Variants in TRPM1 observed in about 807,000 individuals in gnomAD.
TRPM1 encodes the protein transient receptor potential cation channel subfamily M member 1, also known as TRPM1-203 APA Isoform, Intron 10.
Under a neutral mutation model 149.4 loss-of-function variants are expected in TRPM1, and 113 were observed. That is an observed-to-expected ratio of 0.76 (90% CI 0.65 to 0.88). The LOEUF is 0.88. Ranked by LOEUF, TRPM1 falls within the 40% of genes least tolerant of loss-of-function variation. The pLI is 0.00. For missense variants in TRPM1, 1,976 were observed against 2,038.7 expected, an observed-to-expected ratio of 0.97 and a Z score of 0.59; for synonymous variants, 741 against 759.5, an observed-to-expected ratio of 0.98 and a Z score of 0.40.
chr15:31,157,225 T>G (rs907065469), intron 1 of TRPM1, among the ~76,000 whole-genome samples: 3 of 152,230 alleles, frequency 2.0e-5, no homozygotes, highest in African/African-American at 4.8e-5. Context: ...TGGCTTATTT[T>G]TTAATCCAGC....
chr15:31,022,648 T>C (rs1355215757), intron 27 of TRPM1, among the ~76,000 whole-genome samples: 2 of 152,248 alleles, frequency 1.3e-5, no homozygotes, highest in African/African-American at 4.8e-5. Flanking sequence ...AACCAGTGTC[T>C]TGAACCTGGA....
intron 9 of TRPM1, 53 bp downstream of exon 9, chr15:31,062,526 G>A (rs2034260184): frequency 6.2e-7 from 1 of 1,610,326 alleles, no homozygotes; most frequent in Non-Finnish European, 8.5e-7. Flanking sequence ...ATTAGAAAAG[G>A]AAACATAATT....
intron 21 of TRPM1, among the ~76,000 whole-genome samples, chr15:31,035,309 T>A (rs2033308887): frequency 1.3e-5 from 2 of 152,012 alleles, no homozygotes; most frequent in African/African-American, 2.4e-5. Flanking sequence ...ACTGGCTAAT[T>A]TTTTTTATTT....
chr15:31,113,324 T>G (rs943265554), intron 1 of TRPM1, among the ~76,000 whole-genome samples: 1 of 152,214 alleles, frequency 6.6e-6, no homozygotes, highest in East Asian at 1.9e-4. Context: ...TCTGAGCCCC[T>G]GACTGGGAAA....
intron 1 of TRPM1, among the ~76,000 whole-genome samples, chr15:31,090,377 G>A (rs1009530522): frequency 6.6e-6 from 1 of 152,150 alleles, no homozygotes. Context: ...GGTGGCTCAT[G>A]CCTGTACTCC....
intron 13 of TRPM1, among the ~76,000 whole-genome samples, chr15:31,049,172 T>A (rs1596017115): frequency 6.6e-6 from 1 of 151,450 alleles, no homozygotes; most frequent in Non-Finnish European, 1.5e-5. Flanking sequence ...GAGAAAGGAG[T>A]GACTGGCGAG....
chr15:31,035,930 C>G, intron 20 of TRPM1: 1 of 546,422 alleles, frequency 1.8e-6, no homozygotes, highest in South Asian at 2.0e-5. Flanking sequence ...TTGGTTGGTG[C>G]TGTCATCCTC....
Position 31,115,979 on chromosome 15 carries a change from G to C in TRPM1, c.55-38995C>G, listed in dbSNP as rs140184634. On this transcript the variant is annotated intron_variant, in intron 1 of 26. Coordinates refer to the TRPM1 transcript ENST00000542188. Reference sequence around the variant, plus strand: ...GGTGGAAGGAGCGAGATAGCTCTCCGGGGCCTCTTTTATGAGGGCACTAAT... The same window carrying C: ...GGTGGAAGGAGCGAGATAGCTCTCCCGGGCCTCTTTTATGAGGGCACTAAT... Among the ~76,000 whole-genome samples, 142 of 151,946 alleles carry C rather than the reference G, an allele frequency of 9.3e-4. 5 individuals are homozygous for C. The South Asian group carries it at 0.029, about 31-fold the overall frequency.
Position 31,047,973 on chromosome 15 carries a change from T to G in TRPM1, c.1573-34A>C, listed in dbSNP as rs376718948. 12 of 1,605,690 alleles carry G rather than the reference T, an allele frequency of 7.5e-6. No individual in the cohort carries two copies. The African/African-American group carries it at 1.3e-4, about 18-fold the overall frequency. Reference sequence around the variant, plus strand: ...GAAGCATTCATGTGTGTTAAATATGTTTTTCTTGGCCAGGCGCGGTGGCTC... The same window carrying G: ...GAAGCATTCATGTGTGTTAAATATGGTTTTCTTGGCCAGGCGCGGTGGCTC... On this transcript the variant is annotated intron_variant, in intron 13 of 27. Coordinates refer to ENST00000256552, the MANE Select transcript of TRPM1 (RefSeq NM_001252024.2).
rs2034425048 is a variant in TRPM1 at position 31,067,893 on chromosome 15, C to G, written c.479G>C (p.Gly160Ala). 6.2e-7 allele frequency: 1 copy of G among 1,612,998 alleles called. No individual in the cohort carries two copies. Among genetic ancestry groups the G allele is most frequent in the Non-Finnish European group, 8.5e-7 (1 of 1,179,914 alleles). ...CCTGCTCTTACCTGTGCTGACACCC[C>G]CGGTGAAGATCCAGGCCCCGGTGGT... ...AMTTGAWIFTGGVSTGVISHV... is the reference protein window; with the variant it reads ...AMTTGAWIFTAGVSTGVISHV... Residue 160 changes from glycine to alanine, a missense_variant, in exon 5 of 28, where the codon GGG becomes GCG. Transcript: ENST00000256552.
Position 31,040,265 on chromosome 15 carries a change from G to C in TRPM1, c.2169C>G (p.Tyr723Ter), listed in dbSNP as rs370305789. 6.2e-7 allele frequency: 1 copy of C among 1,614,066 alleles called. No homozygotes were observed. Among genetic ancestry groups the C allele is most frequent in the African/African-American group, 1.3e-5 (1 of 74,922 alleles). ...DEQIAMKLLTYELKNWSNSTC... is the reference protein window; with the variant it reads ...DEQIAMKLLT Reference sequence around the variant, plus strand: ...TCGAGTTGCTCCAGTTTTTCAGCTCGTAGGTCAGGAGTTTCATAGCGATCT... The same window carrying C: ...TCGAGTTGCTCCAGTTTTTCAGCTCCTAGGTCAGGAGTTTCATAGCGATCT... Residue 723 changes from tyrosine (Y) to a stop codon, truncating the protein, a stop_gained, in exon 18 of 28, where the codon TAC becomes TAG. Transcript: ENST00000256552. LOFTEE classifies it high-confidence loss of function. The surrounding 1 kb of genome is among the most constrained non-coding windows in gnomAD (Gnocchi z 4.2).
At chr15:31,015,339 G>C (rs1030796613) in intron 27 of TRPM1, among the ~76,000 whole-genome samples, 2 of 151,994 alleles carry the variant, frequency 1.3e-5, no homozygotes, top group Admixed American at 1.3e-4. Context: ...TTGAACCTGG[G>C]AGGCGGAGGC....
chr15:31,013,042 A>G (rs79351199), intron 27 of TRPM1, among the ~76,000 whole-genome samples: 3 of 147,582 alleles, frequency 2.0e-5, no homozygotes, highest in African/African-American at 7.5e-5. Context: ...ATGCAGTGGC[A>G]AGATCACAGC....
intron 1 of TRPM1, among the ~76,000 whole-genome samples, chr15:31,140,156 C>T (rs1026238482): frequency 2.1e-5 from 3 of 146,096 alleles, no homozygotes; most frequent in Non-Finnish European, 3.0e-5. Flanking sequence ...CACCTGAGGA[C>T]AGGAGTTTGA....
At chr15:31,087,597 CA>C (rs1027750972) in intron 1 of TRPM1, among the ~76,000 whole-genome samples, 1 of 151,982 alleles carries the variant, frequency 6.6e-6, no homozygotes, top group Non-Finnish European at 1.5e-5. Context: ...GCATTATTCA[CA>C]ATAGCCAAGA....
At chr15:31,057,555 A>G (rs958277107) in intron 11 of TRPM1, among the ~76,000 whole-genome samples, 2 of 152,266 alleles carry the variant, frequency 1.3e-5, no homozygotes, top group African/African-American at 4.8e-5. Context: ...TATATATTAA[A>G]TATAAACTAT....
At chr15:31,047,318 T>A in intron 14 of TRPM1, 67 bp from the exon 15 acceptor site, 1 of 1,594,680 alleles carries the variant, frequency 6.3e-7, no homozygotes, top group Non-Finnish European at 8.6e-7. Context: ...ATCACACGTC[T>A]AGGGGGTAAG....
intron 3 of TRPM1, among the ~76,000 whole-genome samples, chr15:31,073,385 C>T (rs1446207350): frequency 5.3e-5 from 8 of 152,094 alleles, no homozygotes; most frequent in Non-Finnish European, 1.2e-4. Context: ...ATGCCAGTAT[C>T]GTTGTCCTTT....
chr15:31,047,155 T>C lies in TRPM1; in HGVS notation c.1720A>G (p.Lys574Glu), dbSNP rs377696619. The change falls in exon 15 of 28, where the codon AAA (lysine) becomes GAA (glutamate). Residue 574 changes from lysine (K) to glutamate (E), a missense_variant. By Grantham distance (56) the Lys-to-Glu change is moderately conservative. This residue lies in a region of TRPM1 where 1,332 missense variants were observed against 1,347.1 expected (regional missense o/e 0.99). Transcript: ENST00000256552. ...TTGTTGTAAAGGGTCCGAAAGTTTTTCCGAGTGTAGTTGCAGCGGTAGGCT... is the reference window on the plus strand; with the variant it reads ...TTGTTGTAAAGGGTCCGAAAGTTTTCCCGAGTGTAGTTGCAGCGGTAGGCT... ...GGAYRCNYTR[K>E]NFRTLYNNLF... 1.9e-5 allele frequency: 30 copies of C among 1,614,112 alleles called. No homozygotes were observed. The highest frequency in any genetic ancestry group is 8.5e-7 in the Non-Finnish European group (1 of 1,180,056).
Sources: allele counts gnomAD v4.1 joint callset (sites outside exome capture counted in the v4.1 genomes callset), GRCh38; gene constraint gnomAD v4.1.1; regional missense constraint gnomAD v4.1.1; non-coding constraint Gnocchi (gnomAD v3.1); transcripts MANE v1.5; gene names NCBI Gene and HGNC (gene_info 2026-07-23, HGNC 2026-07-21).